BMAL1: variants seen among roughly 807,000 people sequenced by gnomAD.
The protein encoded by BMAL1 is basic helix-loop-helix ARNT-like protein 1.
At chr11:13,372,057 T>G in the BMAL1 span, 1 of 1,461,752 alleles carries the variant, frequency 6.8e-7, no homozygotes, top group South Asian at 1.3e-5. Context: ...GCCTTGATTT[T>G]TTTTTATTTT....
chr11:13,304,317 C>A, the BMAL1 span, among the ~76,000 whole-genome samples: 2 of 152,100 alleles, frequency 1.3e-5, no homozygotes, highest in African/African-American at 2.4e-5. Flanking sequence ...GAGATCAGTT[C>A]TGAAGGTGGG....
chr11:13,309,243 A>G, the BMAL1 span, among the ~76,000 whole-genome samples: 1 of 152,114 alleles, frequency 6.6e-6, no homozygotes, highest in African/African-American at 2.4e-5. Context: ...GAAGACGTCC[A>G]GCTCAGAGGG....
At chr11:13,355,774 T>A in the BMAL1 span, among the ~76,000 whole-genome samples, 4 of 152,300 alleles carry the variant, frequency 2.6e-5, no homozygotes, top group East Asian at 5.8e-4. Context: ...GGGGAAACTC[T>A]CTGCCTGTGA....
At chr11:13,370,881 T>A in the BMAL1 span, among the ~76,000 whole-genome samples, 1 of 152,242 alleles carries the variant, frequency 6.6e-6, no homozygotes, top group Non-Finnish European at 1.5e-5. Flanking sequence ...CTTCCTTTGA[T>A]GCCTCAAGCC....
chr11:13,301,401 G>T, the BMAL1 span, among the ~76,000 whole-genome samples: 14 of 152,228 alleles, frequency 9.2e-5, no homozygotes, highest in Non-Finnish European at 1.8e-4. Flanking sequence ...AGAAGCTCAT[G>T]ACCAGGGAGT....
At chr11:13,383,994 G>T in the BMAL1 span, among the ~76,000 whole-genome samples, 1 of 152,326 alleles carries the variant, frequency 6.6e-6, no homozygotes, top group East Asian at 1.9e-4. Flanking sequence ...GCATACCAAA[G>T]TATGATGTTT....
At chr11:13,365,379 A>T in the BMAL1 span, 1 of 797,844 alleles carries the variant, frequency 1.3e-6, no homozygotes, top group South Asian at 1.7e-5. Context: ...GATATCACTG[A>T]AACTGTTAGT....
chr11:13,315,182 G>A, the BMAL1 span, among the ~76,000 whole-genome samples: 1 of 152,206 alleles, frequency 6.6e-6, no homozygotes, highest in Non-Finnish European at 1.5e-5. Context: ...GCTTTCCTGG[G>A]ATGGAAATGC....
At chr11:13,331,458 T>C in the BMAL1 span, among the ~76,000 whole-genome samples, 1 of 152,154 alleles carries the variant, frequency 6.6e-6, no homozygotes, top group Non-Finnish European at 1.5e-5. Context: ...TATTGCAACT[T>C]TGGAGGAGCC....
At chr11:13,381,486 A>G in the BMAL1 span, among the ~76,000 whole-genome samples, 2 of 152,244 alleles carry the variant, frequency 1.3e-5, no homozygotes, top group Non-Finnish European at 2.9e-5. Context: ...GGGAGAAAGA[A>G]TAAGGAATGG....
the BMAL1 span, chr11:13,354,347 T>C: frequency 3.7e-6 from 6 of 1,613,650 alleles, no homozygotes; most frequent in Non-Finnish European, 5.1e-6. Context: ...CAACCATCAG[T>C]GATTTCATGT....
the BMAL1 span, among the ~76,000 whole-genome samples, chr11:13,283,775 C>T: frequency 6.6e-6 from 1 of 152,112 alleles, no homozygotes; most frequent in Non-Finnish European, 1.5e-5. Context: ...TGAGCAGCAG[C>T]TCCAGGGGCT....
At chr11:13,381,297 C>T in the BMAL1 span, 1 of 1,590,758 alleles carries the variant, frequency 6.3e-7, no homozygotes, top group Non-Finnish European at 8.6e-7. Context: ...AACCTCTTGC[C>T]CAAGATCTGA....
At chr11:13,295,851 G>A in the BMAL1 span, among the ~76,000 whole-genome samples, 1 of 152,156 alleles carries the variant, frequency 6.6e-6, no homozygotes, top group Non-Finnish European at 1.5e-5. Flanking sequence ...ATATTGGGCT[G>A]GTGTTTTCAG....
At chr11:13,375,772 T>C in the BMAL1 span, 1 of 1,544,874 alleles carries the variant, frequency 6.5e-7, no homozygotes. Flanking sequence ...TGTAAGTACT[T>C]TTCCTATATC....
At chr11:13,306,639 A>G in the BMAL1 span, among the ~76,000 whole-genome samples, 1 of 152,158 alleles carries the variant, frequency 6.6e-6, no homozygotes, top group Non-Finnish European at 1.5e-5. Context: ...CTGCTGGGTA[A>G]AAATCCAGGG....
chr11:13,376,084 G>A, the BMAL1 span, among the ~76,000 whole-genome samples: 2 of 152,220 alleles, frequency 1.3e-5, no homozygotes, highest in African/African-American at 2.4e-5. Context: ...GGAGGAAGGG[G>A]TTGGCAATCT....
chr11:13,281,005 G>A, the BMAL1 span, among the ~76,000 whole-genome samples: 3 of 152,172 alleles, frequency 2.0e-5, no homozygotes, highest in African/African-American at 7.2e-5. Context: ...CTGACCTCAG[G>A]TTTCTCCTCT....
the BMAL1 span, chr11:13,360,412 C>A: frequency 3.1e-6 from 5 of 1,613,120 alleles, no homozygotes; most frequent in Admixed American, 1.7e-5. Context: ...AATTGAAACA[C>A]CTCATTCTCA....
Sources: gnomAD v4.1 joint callset for allele counts (sites outside exome capture counted in the v4.1 genomes callset) on GRCh38, gnomAD v4.1.1 for gene constraint, MANE v1.5 for transcripts, NCBI Gene and HGNC (gene_info 2026-07-23, HGNC 2026-07-21) for gene names.